NRG3: variants seen among roughly 807,000 people sequenced by gnomAD.
NRG3 encodes pro-neuregulin-3, membrane-bound isoform.
In NRG3, 31 loss-of-function variants were observed where a neutral mutation model predicts 66.9. The ratio of observed to expected loss-of-function variants is 0.46; its 90% CI spans 0.35 to 0.63. The LOEUF is 0.63. NRG3 is among the 20% of genes least tolerant of loss of function. The probability of loss-of-function intolerance (pLI) is 0.00; values close to 1 mark genes in which losing one functional copy is unlikely to be tolerated. For synonymous variants in NRG3, 393 were observed against 359.4 expected (o/e 1.09, Z -1.06); for missense variants, 910 against 878.9 (o/e 1.04, Z -0.45).
intron 1 of NRG3, among the ~76,000 whole-genome samples, chr10:82,039,042 T>A (rs1258247082): frequency 6.6e-6 from 1 of 152,160 alleles, no homozygotes; most frequent in Non-Finnish European, 1.5e-5. Flanking sequence ...TGTGTTCTGA[T>A]AATACTTTTT....
chr10:82,055,325 A>G (rs2063786202), intron 1 of NRG3, among the ~76,000 whole-genome samples: 1 of 151,918 alleles, frequency 6.6e-6, no homozygotes. Context: ...AAATACAAAA[A>G]AAATAGCCAG....
intron 2 of NRG3, among the ~76,000 whole-genome samples, chr10:82,425,405 GTT>G (rs34230492): frequency 7.9e-5 from 12 of 151,286 alleles, no homozygotes; most frequent in Admixed American, 2.0e-4. Flanking sequence ...TTAAATGGAG[GTT>G]TTTTTTTTAG....
At chr10:82,296,416 G>C (rs1160853812) in intron 1 of NRG3, among the ~76,000 whole-genome samples, 2 of 152,156 alleles carry the variant, frequency 1.3e-5, no homozygotes, top group Non-Finnish European at 2.9e-5. Flanking sequence ...CCAGTGGAGT[G>C]GTTGAGAGAA....
intron 2 of NRG3, among the ~76,000 whole-genome samples, chr10:82,488,127 A>C (rs1253552350): frequency 6.6e-6 from 1 of 152,196 alleles, no homozygotes; most frequent in Non-Finnish European, 1.5e-5. Flanking sequence ...TGTTTATTGC[A>C]TGAAGTTGGC....
chr10:82,909,470 C>T (rs1228942219), intron 4 of NRG3, among the ~76,000 whole-genome samples: 1 of 152,100 alleles, frequency 6.6e-6, no homozygotes, highest in African/African-American at 2.4e-5. Flanking sequence ...AAAACACAAG[C>T]ACACCTCTCA....
intron 1 of NRG3, among the ~76,000 whole-genome samples, chr10:82,219,927 A>T (rs915104512): frequency 6.6e-6 from 1 of 152,082 alleles, no homozygotes; most frequent in Admixed American, 6.6e-5. Flanking sequence ...ACACAATAAG[A>T]TATACATACA....
chr10:81,962,247 A>G (rs2133285708), intron 1 of NRG3, among the ~76,000 whole-genome samples: 1 of 152,296 alleles, frequency 6.6e-6, no homozygotes, highest in Admixed American at 6.5e-5. Context: ...GGAGCTTAAT[A>G]CCCACTTCAT....
intron 4 of NRG3, among the ~76,000 whole-genome samples, chr10:82,881,578 G>T (rs1842301523): frequency 6.6e-6 from 1 of 152,096 alleles, no homozygotes; most frequent in African/African-American, 2.4e-5. Context: ...GTGAGAAAAA[G>T]GCATGCTATG....
In NRG3 at chr10:82,617,087, T is replaced by C. The variant is rs550986826; in HGVS notation, c.954-121490T>C. Reference sequence around the variant, plus strand: ...TGAGGAGAATCCTTTGCCAATATAGTAATGCACAGAGGCTCTGCCTATGCA... The same window carrying C: ...TGAGGAGAATCCTTTGCCAATATAGCAATGCACAGAGGCTCTGCCTATGCA... On this transcript the variant is annotated intron_variant, in intron 2 of 8. Transcript: ENST00000372141. 2.6e-3 allele frequency among the ~76,000 whole-genome samples: 400 copies of C among 152,254 alleles called. 2 individuals carry two copies. Among genetic ancestry groups the C allele is most frequent in the African/African-American group, 9.4e-3 (391 of 41,538 alleles).
Position 82,874,861 on chromosome 10 carries a change from T to C in NRG3, c.1054+9424T>C, listed in dbSNP as rs372185738. ...TGTTTCCTCAAAGAGGTTGTACTCT[T>C]GCAGTGTTTCAAATGGCAAAGCAGT... On this transcript the variant is annotated intron_variant, in intron 4 of 8. Coordinates refer to ENST00000372141, the MANE Select transcript of NRG3 (RefSeq NM_001010848.4). Among the ~76,000 whole-genome samples the C allele has an allele frequency of 1.5e-4, 23 of 152,306 alleles. No individual in the cohort carries two copies. The East Asian group carries it at 2.7e-3, about 18-fold the overall frequency.
At chr10:82,172,855 A>G (rs1302005794) in intron 1 of NRG3, among the ~76,000 whole-genome samples, 1 of 152,076 alleles carries the variant, frequency 6.6e-6, no homozygotes, top group Non-Finnish European at 1.5e-5. Flanking sequence ...CTTTTACATC[A>G]TTCCCAACAA....
chr10:82,754,242 T>A (rs1442087618), intron 3 of NRG3, among the ~76,000 whole-genome samples: 7 of 151,604 alleles, frequency 4.6e-5, no homozygotes, highest in African/African-American at 1.7e-4. Context: ...TTCTATTCTG[T>A]TCTATGGATC....
chr10:82,812,685 T>A (rs2061539352), intron 3 of NRG3, among the ~76,000 whole-genome samples: 1 of 152,154 alleles, frequency 6.6e-6, no homozygotes, highest in South Asian at 2.1e-4. Context: ...AAAATTAGCA[T>A]AAGAGTTATG....
intron 1 of NRG3, among the ~76,000 whole-genome samples, chr10:82,335,096 G>A (rs143444823): frequency 1.8e-4 from 28 of 152,258 alleles, no homozygotes; most frequent in African/African-American, 6.3e-4. Context: ...TCACATGGCC[G>A]TGCATTTGCT....
chr10:82,345,936 G>A (rs1451978579), intron 1 of NRG3, among the ~76,000 whole-genome samples: 2 of 152,282 alleles, frequency 1.3e-5, no homozygotes, highest in Non-Finnish European at 2.9e-5. Flanking sequence ...CTTTGCTGAA[G>A]TTGCTTATCA....
intron 1 of NRG3, among the ~76,000 whole-genome samples, chr10:82,005,972 CAT>C (rs1272684380): frequency 2.0e-5 from 3 of 151,310 alleles, no homozygotes; most frequent in Non-Finnish European, 4.4e-5. Context: ...TATGAAAACA[CAT>C]GAGTTTTTTT....
chr10:82,733,369 A>G (rs1357200397), intron 2 of NRG3, among the ~76,000 whole-genome samples: 1 of 152,196 alleles, frequency 6.6e-6, no homozygotes, highest in Non-Finnish European at 1.5e-5. Flanking sequence ...TCTCCTTCCT[A>G]ATACCATCTC....
intron 2 of NRG3, among the ~76,000 whole-genome samples, chr10:82,392,366 A>G (rs930966697): frequency 6.6e-6 from 1 of 152,200 alleles, no homozygotes; most frequent in East Asian, 1.9e-4. Context: ...AATGATTTAT[A>G]GGTCCAGGAA....
At chr10:82,420,249 T>G (rs868406055) in intron 2 of NRG3, among the ~76,000 whole-genome samples, 2 of 152,168 alleles carry the variant, frequency 1.3e-5, no homozygotes, top group Non-Finnish European at 2.9e-5. Flanking sequence ...TCACACTAAG[T>G]CTGTGGCACA....
Sources: gnomAD v4.1 joint callset for allele counts (sites outside exome capture counted in the v4.1 genomes callset) on GRCh38, gnomAD v4.1.1 for gene constraint, MANE v1.5 for transcripts, NCBI Gene and HGNC (gene_info 2026-07-23, HGNC 2026-07-21) for gene names.